Variants in ALMS1 observed in about 807,000 individuals in gnomAD.
ALMS1 encodes the protein centrosome-associated protein ALMS1.
In ALMS1, 271 loss-of-function variants were observed where a neutral mutation model predicts 352.2. That is an observed-to-expected ratio of 0.77 (90% CI 0.70 to 0.85). ALMS1 has a LOEUF of 0.85. ALMS1 is among the 40% of genes least tolerant of loss of function. The pLI, the probability that ALMS1 is intolerant of heterozygous loss-of-function variation, is 0.00. For synonymous variants in ALMS1, 1,865 were observed against 1,761.2 expected, an observed-to-expected ratio of 1.06 and a Z score of -1.48; for missense variants, 5,445 against 4,870.7, an observed-to-expected ratio of 1.12 and a Z score of -3.51.
In ALMS1 at chr2:73,490,152, T is replaced by G; in HGVS notation, c.8193T>G (p.Val2731=). Residue 2731 remains valine, a synonymous_variant, in exon 10 of 23, where the codon GTT becomes GTG. Coordinates refer to ENST00000613296, the MANE Select transcript of ALMS1 (RefSeq NM_001378454.1). The stretch of plus-strand genomic sequence containing the variant: ...CTAAATGCATTTCCAATTCCTCTGT[T>G]GTTAAGGTTGGTGTTACTGAAGGTA... The part of the protein sequence containing the change: ...RHSKCISNSS[V]VKVGVTEGSQ... The G allele has an allele frequency of 6.2e-7, 1 of 1,614,200 alleles. No homozygotes were observed. The highest frequency in any genetic ancestry group is 8.5e-7 in the Non-Finnish European group (1 of 1,180,022).
chr2:73,606,992 T>G (rs992852441), intron 21 of ALMS1, among the ~76,000 whole-genome samples: 4 of 152,172 alleles, frequency 2.6e-5, no homozygotes, highest in Non-Finnish European at 5.9e-5. Flanking sequence ...CGCAGAGCCC[T>G]CCATGAATCT....
chr2:73,533,864 G>A (rs1281881860), intron 11 of ALMS1, among the ~76,000 whole-genome samples: 2 of 152,154 alleles, frequency 1.3e-5, no homozygotes, highest in Non-Finnish European at 1.5e-5. Context: ...AAGCAATTTA[G>A]CAGTCAGTAC....
Position 73,449,721 on chromosome 2 carries a change from C to T in ALMS1, c.3194C>T (p.Ser1065Leu). The change falls in exon 8 of 23, where the codon TCA becomes TTA. Residue 1065 changes from serine (S) to leucine (L), a missense_variant. Coordinates refer to ENST00000613296, the MANE Select transcript of ALMS1 (RefSeq NM_001378454.1). ...KPSVLYPQVL[S>L]DSHLPEESLK... is the part of the protein sequence containing the mutation. ...AGTGTTTTGTACCCACAGGTGTTAT[C>T]AGACAGTCATCTACCTGAAGAGAGT... 1 of 1,614,110 alleles carries T rather than the reference C, an allele frequency of 6.2e-7. No individual in the cohort carries two copies. The highest frequency in any genetic ancestry group is 8.5e-7 in the Non-Finnish European group (1 of 1,179,994).
chr2:73,566,033 T>A (rs985203755), intron 15 of ALMS1, among the ~76,000 whole-genome samples: 1 of 152,170 alleles, frequency 6.6e-6, no homozygotes, highest in African/African-American at 2.4e-5. Flanking sequence ...CTTTATTGAT[T>A]GATTCATGGT....
chr2:73,412,751 G>A (rs185606360), intron 2 of ALMS1, among the ~76,000 whole-genome samples: 2 of 152,244 alleles, frequency 1.3e-5, no homozygotes, highest in Admixed American at 1.3e-4. Flanking sequence ...AGTCAGGATG[G>A]CGCCAGTGCA....
At chr2:73,454,894 A>G (rs1672027940) in intron 8 of ALMS1, among the ~76,000 whole-genome samples, 1 of 152,210 alleles carries the variant, frequency 6.6e-6, no homozygotes, top group African/African-American at 2.4e-5. Context: ...TCATGATTAA[A>G]AGGAGGATTA....
chr2:73,550,652 A>G (rs952721528), intron 13 of ALMS1, among the ~76,000 whole-genome samples: 3 of 152,148 alleles, frequency 2.0e-5, no homozygotes, highest in Admixed American at 2.0e-4. Context: ...TATAAACTTC[A>G]TTTTCACAAC....
chr2:73,404,146 G>A lies in ALMS1; in HGVS notation c.325-4476G>A, dbSNP rs201409215. On this transcript the variant is annotated intron_variant, in intron 1 of 22. Transcript: ENST00000613296. ...ACTCCTGACCTCAAGTGATCCACCC[G>A]CCTTGGCCTCCCAAAGTGCTGGGAT... Among the ~76,000 whole-genome samples, 9 of 152,188 alleles carry A rather than the reference G, an allele frequency of 5.9e-5. No individual in the cohort carries two copies. The East Asian group carries it at 9.6e-4, about 16-fold the overall frequency.
chr2:73,520,888 C>G (rs1008767799), intron 11 of ALMS1, among the ~76,000 whole-genome samples: 1 of 152,096 alleles, frequency 6.6e-6, no homozygotes, highest in Non-Finnish European at 1.5e-5. Flanking sequence ...AGTTTCCATT[C>G]TTCCCCAAAT....
chr2:73,390,441 A>G (rs181518621), intron 1 of ALMS1, among the ~76,000 whole-genome samples: 151 of 152,346 alleles, frequency 9.9e-4, no homozygotes, highest in Non-Finnish European at 1.6e-3. Context: ...ATCTCACTAG[A>G]TAATAAGGGA....
intron 10 of ALMS1, among the ~76,000 whole-genome samples, chr2:73,519,180 A>G (rs779111293): frequency 2.6e-5 from 4 of 152,186 alleles, no homozygotes; most frequent in Non-Finnish European, 5.9e-5. Context: ...CAGTGCATAC[A>G]CAAAGGAGGA....
intron 11 of ALMS1, among the ~76,000 whole-genome samples, chr2:73,528,269 T>C (rs928523427): frequency 6.6e-6 from 1 of 152,192 alleles, no homozygotes; most frequent in African/African-American, 2.4e-5. Flanking sequence ...CCATTCAATG[T>C]ATCTTCGTTG....
At chr2:73,493,708 G>A (rs1374856761) in intron 10 of ALMS1, among the ~76,000 whole-genome samples, 4 of 151,742 alleles carry the variant, frequency 2.6e-5, no homozygotes, top group African/African-American at 9.7e-5. Flanking sequence ...GCAACAAAGC[G>A]AGACTCTGCC....
Position 73,450,398 on chromosome 2 carries a change from G to GAGAA in ALMS1, c.3872_3875dup (p.Pro1293GlufsTer13). On this transcript the variant is annotated frameshift_variant, in exon 8 of 23. Coordinates refer to ENST00000613296, the MANE Select transcript of ALMS1 (RefSeq NM_001378454.1). LOFTEE classifies it high-confidence loss of function. ...CTCTACTTCCTACTCACAATATAGA[G>GAGAA]AGAAGCCCAGCATTTTCTACCAACA... is the stretch of plus-strand genomic sequence containing the variant. 1 of 1,613,354 alleles carries GAGAA rather than the reference G, an allele frequency of 6.2e-7. No homozygotes were observed. The highest frequency in any genetic ancestry group is 8.5e-7 in the Non-Finnish European group (1 of 1,179,852).
In ALMS1 at chr2:73,574,483, A is replaced by G. The variant is rs1675010975; in HGVS notation, c.11547+1059A>G. On this transcript the variant is annotated intron_variant, in intron 16 of 22. Transcript: ENST00000613296. ...TGACATAACATATAAATAAATATCT[A>G]TTTTGACAACTTGTGCTAAAAAAAT... Among the ~76,000 whole-genome samples, 5 of 152,312 alleles carry G rather than the reference A, an allele frequency of 3.3e-5. No individual in the cohort carries two copies. In the South Asian group the frequency reaches 8.3e-4, roughly 25 times the overall value.
intron 10 of ALMS1, among the ~76,000 whole-genome samples, chr2:73,515,550 C>T (rs1368445299): frequency 6.6e-6 from 1 of 151,772 alleles, no homozygotes; most frequent in Non-Finnish European, 1.5e-5. Context: ...AAGCCAACCC[C>T]AAAGCTAACA....
intron 2 of ALMS1, among the ~76,000 whole-genome samples, chr2:73,410,810 G>T (rs527529733): frequency 6.6e-6 from 1 of 151,050 alleles, no homozygotes; most frequent in Non-Finnish European, 1.5e-5. Context: ...AATGTTATTA[G>T]TGTTACTAAT....
intron 10 of ALMS1, among the ~76,000 whole-genome samples, chr2:73,500,469 T>C (rs1488889009): frequency 6.6e-6 from 1 of 152,188 alleles, no homozygotes; most frequent in African/African-American, 2.4e-5. Flanking sequence ...AGACCACATT[T>C]CCTTTGGTGT....
chr2:73,401,053 C>G (rs1670863703), intron 1 of ALMS1, among the ~76,000 whole-genome samples: 1 of 152,208 alleles, frequency 6.6e-6, no homozygotes, highest in African/African-American at 2.4e-5. Flanking sequence ...TTCCAAAGTG[C>G]TGGGATAACA....
Sources: gnomAD v4.1 joint callset for allele counts (sites outside exome capture counted in the v4.1 genomes callset) on GRCh38, gnomAD v4.1.1 for gene constraint, MANE v1.5 for transcripts, NCBI Gene and HGNC (gene_info 2026-07-23, HGNC 2026-07-21) for gene names.